PKP2: variants seen among roughly 807,000 people sequenced by gnomAD.
The protein encoded by PKP2 is plakophilin 2.
Under a neutral mutation model 83.4 loss-of-function variants are expected in PKP2, and 73 were observed. That is an observed-to-expected ratio of 0.88 (90% CI 0.72 to 1.06). The LOEUF (loss-of-function observed/expected upper bound fraction) is 1.06, where lower values mean the gene tolerates loss of function less well. PKP2 is among the 50% of genes least tolerant of loss of function. The pLI, the probability that PKP2 is intolerant of heterozygous loss-of-function variation, is 0.00. For missense variants in PKP2, 966 were observed against 1,065.4 expected (o/e 0.91, Z 1.30); for synonymous variants, 409 against 430.4 (o/e 0.95, Z 0.62).
At chr12:32,820,199 A>G (rs1334626304) in intron 9 of PKP2, 1 of 152,236 alleles carries the variant, frequency 6.6e-6, no homozygotes, top group African/African-American at 2.4e-5. Flanking sequence ...GTAAACACAC[A>G]TATTAAAGAA....
intron 9 of PKP2, among the ~76,000 whole-genome samples, chr12:32,809,019 C>T (rs55837897): frequency 0.069 from 10,448 of 152,200 alleles, 709 homozygotes; most frequent in African/African-American, 0.18. Flanking sequence ...ATTAGGGACC[C>T]GCTTAAAGAA....
At chr12:32,836,776 C>T (rs749943271) in intron 6 of PKP2, among the ~76,000 whole-genome samples, 32 of 152,144 alleles carry the variant, frequency 2.1e-4, no homozygotes, top group African/African-American at 4.6e-4. Flanking sequence ...CTTACTAGAA[C>T]GAGTCAACAT....
At chr12:32,851,916 G>T (rs937898092) in intron 4 of PKP2, among the ~76,000 whole-genome samples, 1 of 152,136 alleles carries the variant, frequency 6.6e-6, no homozygotes, top group African/African-American at 2.4e-5. Flanking sequence ...GTAAGAAAGC[G>T]CATGCTATTA....
intron 10 of PKP2, among the ~76,000 whole-genome samples, chr12:32,797,084 T>TAAA (rs1349152335): frequency 6.6e-6 from 1 of 151,972 alleles, no homozygotes; most frequent in Non-Finnish European, 1.5e-5. Context: ...GCATGTATAA[T>TAAA]AAAAAGAAAA....
intron 1 of PKP2, 82 bp downstream of exon 1, chr12:32,896,427 C>T: frequency 9.1e-7 from 1 of 1,103,108 alleles, no homozygotes; most frequent in Admixed American, 3.0e-5. Flanking sequence ...GCACTCCCAG[C>T]ACGCGGGGTG....
chr12:32,868,647 C>T (rs965190372), intron 4 of PKP2, among the ~76,000 whole-genome samples: 19 of 152,044 alleles, frequency 1.2e-4, no homozygotes, highest in Admixed American at 5.9e-4. Context: ...CTCAGCCTCT[C>T]GAGTAGCTGG....
intron 4 of PKP2, among the ~76,000 whole-genome samples, chr12:32,858,536 A>G (rs2137888933): frequency 6.6e-6 from 1 of 152,236 alleles, no homozygotes; most frequent in African/African-American, 2.4e-5. Context: ...TTGAAACGGC[A>G]AAGTCTAGAT....
chr12:32,894,706 GA>G (rs1193343698), intron 1 of PKP2: 1 of 152,292 alleles, frequency 6.6e-6, no homozygotes, highest in East Asian at 1.9e-4. Context: ...CAGAGGATAA[GA>G]AAGAATATCT....
At chr12:32,855,993 A>G (rs1956744427) in intron 4 of PKP2, among the ~76,000 whole-genome samples, 1 of 152,122 alleles carries the variant, frequency 6.6e-6, no homozygotes, top group African/African-American at 2.4e-5. Flanking sequence ...AGAAAGCTAC[A>G]TATGCAATTT....
intron 6 of PKP2, among the ~76,000 whole-genome samples, chr12:32,832,940 G>A (rs1956512948): frequency 6.6e-6 from 1 of 152,194 alleles, no homozygotes; most frequent in East Asian, 1.9e-4. Context: ...ATGAGCAAAG[G>A]TAACTAGAAT....
Position 32,896,693 on chromosome 12 carries a change from G to A in PKP2, c.39C>T (p.Ile13=), listed in dbSNP as rs770102631. The A allele has an allele frequency of 2.6e-6, 4 of 1,524,688 alleles. No individual in the cohort carries two copies. In the African/African-American group the frequency reaches 4.2e-5, roughly 16 times the overall value. The allele number at this position is 1,524,688 out of a possible 1,614,324, so 94.4% of individuals were successfully genotyped here. Residue 13 remains isoleucine, a synonymous_variant, in exon 1 of 13, where the codon ATC becomes ATT. Transcript: ENST00000340811. ...GGATCTGCTGGCCCAGGACGGTCCG[G>A]ATGTAGCCGTACTCAGCTGGGGCGC... is the stretch of plus-strand genomic sequence containing the variant. ...APGAPAEYGY[I]RTVLGQQILG...
intron 2 of PKP2, 124 bp from the exon 3 acceptor site, chr12:32,878,667 G>C (rs1329160370): frequency 2.3e-6 from 2 of 855,828 alleles, no homozygotes; most frequent in Admixed American, 4.8e-5. Context: ...CGAGAAGTTT[G>C]CCCCTTTCTG....
intron 6 of PKP2, chr12:32,824,473 C>T: frequency 2.7e-6 from 1 of 365,562 alleles, no homozygotes; most frequent in Non-Finnish European, 5.2e-6. Context: ...AATGTTTTTG[C>T]AACTAGAACA....
At chr12:32,864,263 C>G (rs989349124) in intron 4 of PKP2, among the ~76,000 whole-genome samples, 7 of 151,244 alleles carry the variant, frequency 4.6e-5, no homozygotes, top group African/African-American at 1.7e-4. Flanking sequence ...ACGCTCACCA[C>G]TTCTTTTCAA....
At chr12:32,892,106 C>CT (rs1322845547) in intron 1 of PKP2, among the ~76,000 whole-genome samples, 1 of 151,782 alleles carries the variant, frequency 6.6e-6, no homozygotes, top group Non-Finnish European at 1.5e-5. Flanking sequence ...CCATCTCACT[C>CT]TTTTTTTTCC....
chr12:32,826,723 C>T (rs1342537733), intron 6 of PKP2, among the ~76,000 whole-genome samples: 1 of 152,080 alleles, frequency 6.6e-6, no homozygotes, highest in Non-Finnish European at 1.5e-5. Flanking sequence ...CAACCAAGAT[C>T]CTCTATCTAC....
intron 4 of PKP2, among the ~76,000 whole-genome samples, chr12:32,854,291 AAG>A (rs1420821045): frequency 6.6e-6 from 1 of 152,200 alleles, no homozygotes; most frequent in Non-Finnish European, 1.5e-5. Flanking sequence ...CTAGCCCGGA[AAG>A]AGAGAACTAC....
At chr12:32,844,773 T>G (rs570885901) in intron 5 of PKP2, among the ~76,000 whole-genome samples, 1 of 152,310 alleles carries the variant, frequency 6.6e-6, no homozygotes, top group Admixed American at 6.5e-5. Context: ...ATGAGCCCAG[T>G]GACAAAACAG....
intron 10 of PKP2, among the ~76,000 whole-genome samples, 180 bp from the exon 11 acceptor site, chr12:32,796,478 G>A (rs2137709714): frequency 6.6e-6 from 1 of 152,234 alleles, no homozygotes; most frequent in Non-Finnish European, 1.5e-5. Context: ...TGCCTCCCGG[G>A]TTCACGCCAT....
Sources: allele counts gnomAD v4.1 joint callset (sites outside exome capture counted in the v4.1 genomes callset), GRCh38; gene constraint gnomAD v4.1.1; transcripts MANE v1.5; gene names NCBI Gene and HGNC (gene_info 2026-07-23, HGNC 2026-07-21).